MACROD2: variants seen among roughly 807,000 people sequenced by gnomAD.
The protein encoded by MACROD2 is ADP-ribose glycohydrolase MACROD2.
Under a neutral mutation model 70.4 loss-of-function variants are expected in MACROD2, and 36 were observed. That is an observed-to-expected ratio of 0.51 (90% CI 0.39 to 0.68). The LOEUF (loss-of-function observed/expected upper bound fraction) is 0.68, where lower values mean the gene tolerates loss of function less well. Among genes scored for constraint, MACROD2 ranks in the 30% least tolerant of loss-of-function variants. The pLI is 0.00. For missense variants in MACROD2, 496 were observed against 538.4 expected, an observed-to-expected ratio of 0.92 and a Z score of 0.78; for synonymous variants, 172 against 178.8, an observed-to-expected ratio of 0.96 and a Z score of 0.30.
chr20:15,630,094 G>C (rs2049266516), intron 8 of MACROD2, among the ~76,000 whole-genome samples: 1 of 152,128 alleles, frequency 6.6e-6, no homozygotes, highest in African/African-American at 2.4e-5. Flanking sequence ...TGCTTTTGAT[G>C]ATGACGATAG....
intron 10 of MACROD2, among the ~76,000 whole-genome samples, chr20:15,897,683 T>C (rs2064994407): frequency 1.3e-5 from 2 of 152,192 alleles, no homozygotes; most frequent in African/African-American, 2.4e-5. Context: ...GTATTTCTAA[T>C]ATAGTTTTCT....
At chr20:15,531,123 A>G (rs925808813) in intron 8 of MACROD2, among the ~76,000 whole-genome samples, 4 of 151,810 alleles carry the variant, frequency 2.6e-5, no homozygotes, top group African/African-American at 7.2e-5. Flanking sequence ...GAGGCAAGAG[A>G]TGTTAAAATG....
intron 8 of MACROD2, among the ~76,000 whole-genome samples, chr20:15,550,337 ATATT>A (rs1376526113): frequency 6.6e-6 from 1 of 150,496 alleles, no homozygotes; most frequent in Middle Eastern, 3.5e-3. Flanking sequence ...AAAATAAGAA[ATATT>A]TATTATTCAG....
chr20:15,590,721 A>G (rs952852466), intron 8 of MACROD2, among the ~76,000 whole-genome samples: 7 of 152,052 alleles, frequency 4.6e-5, no homozygotes, highest in African/African-American at 9.7e-5. Context: ...TATCTCTACA[A>G]TACAACAATT....
chr20:14,539,461 G>A (rs1002039556), intron 4 of MACROD2, among the ~76,000 whole-genome samples: 3 of 152,142 alleles, frequency 2.0e-5, no homozygotes, highest in Non-Finnish European at 4.4e-5. Flanking sequence ...AGTGAGGGAA[G>A]GACCTGTGTG....
At position 16,006,514 on chromosome 20, in the gene MACROD2, G is replaced by A. The variant is rs188296195; in HGVS notation, c.1153+19356G>A. 2.6e-5 allele frequency among the ~76,000 whole-genome samples: 4 copies of A among 152,246 alleles called. No homozygotes were observed. In the East Asian group the frequency reaches 7.7e-4, roughly 29 times the overall value. Reference sequence around the variant, plus strand: ...ATTCCTGAATAGCCACATGTATTGTGGTAGTTGATCCCACAGCCCAAGCCC... The same window carrying A: ...ATTCCTGAATAGCCACATGTATTGTAGTAGTTGATCCCACAGCCCAAGCCC... On this transcript the variant is annotated intron_variant, in intron 15 of 17. Transcript: ENST00000684519.
chr20:14,279,096 A>T (rs948146085), intron 3 of MACROD2, among the ~76,000 whole-genome samples: 1 of 152,176 alleles, frequency 6.6e-6, no homozygotes. Context: ...TATCAAAATG[A>T]TGTTTGAAGA....
intron 5 of MACROD2, among the ~76,000 whole-genome samples, chr20:15,209,727 T>G (rs1601232233): frequency 6.6e-6 from 1 of 152,184 alleles, no homozygotes; most frequent in Admixed American, 6.5e-5. Flanking sequence ...TGACAGTACA[T>G]GCATATGTAT....
At chr20:15,438,996 A>G (rs1487586470) in intron 7 of MACROD2, among the ~76,000 whole-genome samples, 1 of 152,204 alleles carries the variant, frequency 6.6e-6, no homozygotes, top group East Asian at 1.9e-4. Context: ...TCAAACTGGA[A>G]GTTTGTATTT....
At chr20:14,846,080 G>A (rs2073137212) in intron 5 of MACROD2, among the ~76,000 whole-genome samples, 1 of 151,970 alleles carries the variant, frequency 6.6e-6, no homozygotes, top group Non-Finnish European at 1.5e-5. Flanking sequence ...TATTTTTGAT[G>A]TAGTCAAAAA....
intron 4 of MACROD2, among the ~76,000 whole-genome samples, chr20:14,579,254 G>C (rs976787378): frequency 6.7e-6 from 1 of 149,512 alleles, no homozygotes; most frequent in Non-Finnish European, 1.5e-5. Context: ...CCATTCTCCT[G>C]CCTCAGCCTC....
chr20:15,981,233 G>A (rs1048749660), intron 13 of MACROD2, among the ~76,000 whole-genome samples: 7 of 152,118 alleles, frequency 4.6e-5, no homozygotes, highest in Admixed American at 6.5e-5. Flanking sequence ...AATTCTGGGT[G>A]GGCCTAGACA....
At chr20:14,045,712 A>C (rs1009551894) in intron 2 of MACROD2, among the ~76,000 whole-genome samples, 5 of 152,202 alleles carry the variant, frequency 3.3e-5, no homozygotes, top group African/African-American at 1.2e-4. Flanking sequence ...CAGATATTGA[A>C]ATTACTAGGT....
chr20:14,899,023 T>C (rs1781085488), intron 5 of MACROD2, among the ~76,000 whole-genome samples: 1 of 152,208 alleles, frequency 6.6e-6, no homozygotes, highest in Admixed American at 6.5e-5. Flanking sequence ...ATAATGCCAT[T>C]GTCAACATGA....
At chr20:15,571,487 T>C (rs761378311) in intron 8 of MACROD2, among the ~76,000 whole-genome samples, 80 of 152,148 alleles carry the variant, frequency 5.3e-4, no homozygotes, top group Non-Finnish European at 8.1e-4. Context: ...GCATTACAAA[T>C]ATCTAGTTTT....
At chr20:14,971,450 A>T (rs1342638691) in intron 5 of MACROD2, among the ~76,000 whole-genome samples, 1 of 151,410 alleles carries the variant, frequency 6.6e-6, no homozygotes, top group East Asian at 1.9e-4. Flanking sequence ...AGGTAAAGGG[A>T]GGGGGGGGAC....
intron 4 of MACROD2, among the ~76,000 whole-genome samples, chr20:14,607,867 G>A (rs1285375219): frequency 6.6e-6 from 1 of 152,126 alleles, no homozygotes; most frequent in African/African-American, 2.4e-5. Context: ...AGAAGAAAAG[G>A]AAGGACTGGA....
intron 5 of MACROD2, among the ~76,000 whole-genome samples, chr20:14,700,118 T>C (rs1054247209): frequency 6.6e-6 from 1 of 152,176 alleles, no homozygotes. Flanking sequence ...AAATTTTAAA[T>C]CTAGAAGTTT....
In MACROD2 at chr20:15,334,920, C is replaced by T. The variant is rs2078032160; in HGVS notation, c.541-96485C>T. On this transcript the variant is annotated intron_variant, in intron 6 of 17. Transcript: ENST00000684519. ...TGAAACCAATAAGGATACTTGCTATCGCTCATAACGTGAAGTTCAGAGAGA... is the reference window on the plus strand; with the variant it reads ...TGAAACCAATAAGGATACTTGCTATTGCTCATAACGTGAAGTTCAGAGAGA... 3.3e-5 allele frequency among the ~76,000 whole-genome samples: 5 copies of T among 151,840 alleles called. No homozygotes were observed. The South Asian group carries it at 8.3e-4, about 25-fold the overall frequency.
Sources: gnomAD v4.1 joint callset for allele counts (sites outside exome capture counted in the v4.1 genomes callset) on GRCh38, gnomAD v4.1.1 for gene constraint, MANE v1.5 for transcripts, NCBI Gene and HGNC (gene_info 2026-07-23, HGNC 2026-07-21) for gene names.